Variants in SOX6 observed in about 807,000 individuals in gnomAD.
SOX6 encodes the protein SRY-box transcription factor 6, also known as transcription factor SOX-6.
A neutral mutation model predicts 97.8 loss-of-function variants in SOX6; 11 were observed. The observed-to-expected ratio is 0.11, with a 90% CI of 0.07 to 0.19. The LOEUF (loss-of-function observed/expected upper bound fraction) is 0.19. Ranked by LOEUF, SOX6 falls within the 10% of genes least tolerant of loss-of-function variation. SOX6 has a pLI of 1.00. For synonymous variants in SOX6, 360 were observed against 371.4 expected, an observed-to-expected ratio of 0.97 and a Z score of 0.35; for missense variants, 810 against 1,039.5, an observed-to-expected ratio of 0.78 and a Z score of 3.04.
At chr11:16,503,350 A>G (rs1287643039) in intron 4 of SOX6, among the ~76,000 whole-genome samples, 1 of 152,168 alleles carries the variant, frequency 6.6e-6, no homozygotes, top group Non-Finnish European at 1.5e-5. Flanking sequence ...TTACCAAACC[A>G]CAATGTTAAA....
intron 1 of SOX6, among the ~76,000 whole-genome samples, chr11:16,475,680 A>C (rs1860230798): frequency 6.6e-6 from 1 of 152,196 alleles, no homozygotes; most frequent in South Asian, 2.1e-4. Flanking sequence ...GACAGTTTGA[A>C]ATATTGTGAG....
chr11:16,092,833 A>G (rs963012641), intron 9 of SOX6, among the ~76,000 whole-genome samples: 6 of 150,606 alleles, frequency 4.0e-5, no homozygotes, highest in African/African-American at 1.5e-4. Context: ...GAATAAATAC[A>G]CTGAAGTCCC....
chr11:16,387,030 G>A (rs1847315), intron 1 of SOX6, among the ~76,000 whole-genome samples: 47,224 of 151,934 alleles, frequency 0.31, 8,310 homozygotes, highest in Non-Finnish European at 0.4. Flanking sequence ...TAGTCTTCAC[G>A]TAAACATCCC....
At chr11:16,357,030 G>T (rs1252398716), upstream of SOX6, among the ~76,000 whole-genome samples, 1 of 152,072 alleles carries the variant, frequency 6.6e-6, no homozygotes, top group Non-Finnish European at 1.5e-5. Context: ...TCAGAGACAG[G>T]AAAAGAGGAG....
chr11:16,350,822 T>C (rs1032784657), intron 1 of SOX6, among the ~76,000 whole-genome samples: 1 of 152,164 alleles, frequency 6.6e-6, no homozygotes, highest in Non-Finnish European at 1.5e-5. Flanking sequence ...GTCTTGTTCA[T>C]TGCTGGATCC....
intron 6 of SOX6, among the ~76,000 whole-genome samples, chr11:16,118,500 G>A (rs1251411154): frequency 6.6e-6 from 1 of 152,216 alleles, no homozygotes; most frequent in Non-Finnish European, 1.5e-5. Context: ...CTAAGTTGTT[G>A]ATGATGCCAT....
intron 3 of SOX6, among the ~76,000 whole-genome samples, chr11:16,286,519 G>A (rs1480834377): frequency 6.6e-6 from 1 of 151,942 alleles, no homozygotes; most frequent in Admixed American, 6.6e-5. Flanking sequence ...TCTCTATATA[G>A]CATATACTTC....
intron 4 of SOX6, among the ~76,000 whole-genome samples, chr11:16,515,380 T>C (rs1286924049): frequency 6.7e-6 from 1 of 148,806 alleles, no homozygotes; most frequent in African/African-American, 2.5e-5. Context: ...CTTTGCCCAC[T>C]TTTTGATGGG....
intron 3 of SOX6, among the ~76,000 whole-genome samples, chr11:16,676,538 C>G (rs1470203622): frequency 1.3e-5 from 2 of 152,118 alleles, no homozygotes; most frequent in African/African-American, 4.8e-5. Flanking sequence ...GAATCTTCAA[C>G]CTTCTCTGGG....
chr11:16,519,327 T>C (rs1410123187), intron 4 of SOX6, among the ~76,000 whole-genome samples: 1 of 152,148 alleles, frequency 6.6e-6, no homozygotes, highest in African/African-American at 2.4e-5. Flanking sequence ...CAATGGGTAA[T>C]TTTTCAACCC....
intron 1 of SOX6, among the ~76,000 whole-genome samples, chr11:16,374,301 C>A (rs1240031701): frequency 6.6e-6 from 1 of 151,988 alleles, no homozygotes; most frequent in Non-Finnish European, 1.5e-5. Context: ...GAACTCACAT[C>A]TTTTTTAGCT....
chr11:16,610,688 C>T lies in SOX6; in HGVS notation n.609+1393G>A, dbSNP rs192698834. Among the ~76,000 whole-genome samples, 34 of 152,308 alleles carry T rather than the reference C, an allele frequency of 2.2e-4. No individual in the cohort carries two copies. Among genetic ancestry groups the T allele is most frequent in the African/African-American group, 7.7e-4 (32 of 41,576 alleles). The stretch of plus-strand genomic sequence containing the variant: ...GAAACTAAAATTTGGGGTCTCGATG[C>T]CGCACTTCTGGCTGTGTAAGAGTGA... On this transcript the variant is annotated intron_variant and non_coding_transcript_variant, in intron 4 of 5. Coordinates refer to the SOX6 transcript ENST00000524520. This position sits in a 1 kb window ranked among gnomAD's most constrained non-coding sequence, Gnocchi z 4.4.
intron 2 of SOX6, among the ~76,000 whole-genome samples, chr11:16,326,137 C>T (rs1856082342): frequency 6.6e-6 from 1 of 152,150 alleles, no homozygotes; most frequent in African/African-American, 2.4e-5. Flanking sequence ...TTACTGTTTG[C>T]TCTCAAAAGA....
At chr11:16,497,788 A>C (rs1860629057) in intron 4 of SOX6, among the ~76,000 whole-genome samples, 1 of 152,204 alleles carries the variant, frequency 6.6e-6, no homozygotes, top group Admixed American at 6.5e-5. Context: ...AAACAAATGA[A>C]CAAAGCCTCC....
chr11:16,279,159 A>C (rs1158304902), intron 3 of SOX6, among the ~76,000 whole-genome samples: 6 of 152,112 alleles, frequency 3.9e-5, no homozygotes, highest in African/African-American at 9.7e-5. Flanking sequence ...ACAATGAAAA[A>C]GTCCCACTAT....
chr11:16,727,724 C>T (rs1475724196), intron 2 of SOX6, among the ~76,000 whole-genome samples: 1 of 152,020 alleles, frequency 6.6e-6, no homozygotes, highest in Admixed American at 6.6e-5. Flanking sequence ...AGGCCTGAGA[C>T]ACCACATCCA....
At chr11:16,078,339 T>G (rs1378590992) in intron 9 of SOX6, among the ~76,000 whole-genome samples, 1 of 152,146 alleles carries the variant, frequency 6.6e-6, no homozygotes, top group African/African-American at 2.4e-5. Flanking sequence ...TAAAAACTCA[T>G]CAATGAGTCC....
rs577966058 is a variant in SOX6, at chr11:15,985,255, CCT to C, written c.2183+947_2183+948del. Reference sequence around the variant, plus strand: ...AGCTCTTGGCTTCTCCTTTAAGGTACCTCTTTTTCTACCTTCAAGTGAAGCTC... The same window carrying C: ...AGCTCTTGGCTTCTCCTTTAAGGTACCTTTTTCTACCTTCAAGTGAAGCTC... On this transcript the variant is annotated intron_variant, in intron 15 of 15. Transcript: ENST00000683767. 8.9e-4 allele frequency among the ~76,000 whole-genome samples: 135 copies of C among 152,298 alleles called. No homozygotes were observed. The Middle Eastern group carries it at 0.01, about 12-fold the overall frequency.
chr11:16,315,486 T>C (rs905135379), intron 3 of SOX6: 1 of 152,152 alleles, frequency 6.6e-6, no homozygotes, highest in Non-Finnish European at 1.5e-5. Context: ...TATAAGAATG[T>C]TCATAAAAAT....
Sources: allele counts gnomAD v4.1 joint callset (sites outside exome capture counted in the v4.1 genomes callset), GRCh38; gene constraint gnomAD v4.1.1; non-coding constraint Gnocchi (gnomAD v3.1); transcripts MANE v1.5; gene names NCBI Gene and HGNC (gene_info 2026-07-23, HGNC 2026-07-21).